ROBO2: variants seen among roughly 807,000 people sequenced by gnomAD.
ROBO2 encodes the protein roundabout guidance receptor 2, also known as roundabout homolog 2.
ROBO2 carries 53 observed loss-of-function variants against 160.8 expected under a neutral mutation model. That is an observed-to-expected ratio of 0.33 (90% CI 0.26 to 0.41). ROBO2 has a LOEUF of 0.41. Ranked by LOEUF, ROBO2 falls within the 10% of genes least tolerant of loss-of-function variation. The pLI, the probability that ROBO2 is intolerant of heterozygous loss-of-function variation, is 1.00. For synonymous variants in ROBO2, 664 were observed against 611.7 expected (o/e 1.09, Z -1.26); for missense variants, 1,577 against 1,722.4 (o/e 0.92, Z 1.49).
Position 77,028,199 on chromosome 3 carries a change from C to T in ROBO2, c.110-69815C>T, listed in dbSNP as rs1329510129. Among the ~76,000 whole-genome samples, 4 of 152,078 alleles carry T rather than the reference C, an allele frequency of 2.6e-5. 1 individual carries two copies. Among genetic ancestry groups the T allele is most frequent in the Non-Finnish European group, 2.9e-5 (2 of 68,032 alleles). ...AAGTTAAAACTGTTCTGCACATGCT[C>T]CCTGTTGTCAGAAAACAATGATTAA... On this transcript the variant is annotated intron_variant, in intron 2 of 26. Transcript: ENST00000487694.
chr3:76,490,290 A>G (rs563244336), intron 2 of ROBO2, among the ~76,000 whole-genome samples: 240 of 152,334 alleles, frequency 1.6e-3, no homozygotes, highest in African/African-American at 5.6e-3. Flanking sequence ...GTGGGATTGT[A>G]TGACAGTAAT....
chr3:77,278,358 C>G (rs1236540286), intron 2 of ROBO2, among the ~76,000 whole-genome samples: 1 of 152,150 alleles, frequency 6.6e-6, no homozygotes, highest in Admixed American at 6.5e-5. Flanking sequence ...TAACTCATAT[C>G]TTTCCAAACC....
At chr3:75,930,696 A>G (rs779730716) in intron 1 of ROBO2, among the ~76,000 whole-genome samples, 21 of 152,274 alleles carry the variant, frequency 1.4e-4, no homozygotes, top group Non-Finnish European at 2.6e-4. Flanking sequence ...ACATGTCAGT[A>G]AGTGGCACTG....
chr3:76,163,776 T>G (rs2072729507), intron 2 of ROBO2, among the ~76,000 whole-genome samples: 1 of 150,184 alleles, frequency 6.7e-6, no homozygotes, highest in Admixed American at 6.6e-5. Flanking sequence ...AAACTGTTAA[T>G]GATTATCTGA....
intron 2 of ROBO2, among the ~76,000 whole-genome samples, chr3:76,948,757 G>A (rs944658258): frequency 1.4e-5 from 2 of 143,112 alleles, no homozygotes; most frequent in African/African-American, 5.2e-5. Context: ...CCAGGCTGGA[G>A]TGCAGTGGCG....
intron 2 of ROBO2, among the ~76,000 whole-genome samples, chr3:77,439,912 A>G (rs745577952): frequency 4.6e-5 from 7 of 152,188 alleles, no homozygotes; most frequent in Non-Finnish European, 7.4e-5. Context: ...AATTAAGTTA[A>G]ACACATTTTG....
intron 2 of ROBO2, among the ~76,000 whole-genome samples, chr3:77,193,059 A>C (rs2082004784): frequency 2.6e-5 from 4 of 152,170 alleles, no homozygotes; most frequent in Admixed American, 2.6e-4. Context: ...AGCATTAAAA[A>C]AAATAAGCAT....
intron 2 of ROBO2, among the ~76,000 whole-genome samples, chr3:76,399,114 G>T (rs2077660843): frequency 6.6e-6 from 1 of 151,560 alleles, no homozygotes; most frequent in South Asian, 2.1e-4. Context: ...TTATAACATT[G>T]AAATCATATA....
chr3:76,775,733 A>T (rs928928349), intron 2 of ROBO2, among the ~76,000 whole-genome samples: 2 of 112,756 alleles, frequency 1.8e-5, no homozygotes, highest in Non-Finnish European at 3.7e-5. Flanking sequence ...CATGGAATAC[A>T]TCGATGTTAT....
chr3:77,480,993 G>T, intron 3 of ROBO2, 106 bp from the exon 4 acceptor site: 1 of 1,033,244 alleles, frequency 9.7e-7, no homozygotes, highest in Non-Finnish European at 1.4e-6. Context: ...TTTTTCCTTT[G>T]GGAAACAAAT....
intron 2 of ROBO2, among the ~76,000 whole-genome samples, chr3:76,694,628 A>G (rs2092888511): frequency 6.6e-6 from 1 of 152,176 alleles, no homozygotes; most frequent in South Asian, 2.1e-4. Flanking sequence ...TATCTTGTAA[A>G]AAAAGGGTAT....
rs140867434 is a variant in ROBO2, at chr3:77,103,222, A to G, written c.388+4882A>G. ...ATGACAGCAGCTTGATCTATCGACC[A>G]GGGTAAGAGGGGGTTCTGGCCTAAA... On this transcript the variant is annotated intron_variant, in intron 2 of 25. Coordinates refer to ENST00000461745, the Ensembl canonical transcript of ROBO2. Among the ~76,000 whole-genome samples the G allele has an allele frequency of 7.2e-4, 109 of 152,002 alleles. 1 individual carries two copies. In the East Asian group the frequency reaches 0.02, roughly 28 times the overall value.
At chr3:75,910,851 T>C (rs1946545784) in intron 1 of ROBO2, among the ~76,000 whole-genome samples, 1 of 152,116 alleles carries the variant, frequency 6.6e-6, no homozygotes, top group Admixed American at 6.6e-5. Context: ...ACAAATATTC[T>C]GTCATAAGTA....
chr3:75,959,530 T>C (rs1397294358), intron 2 of ROBO2, among the ~76,000 whole-genome samples: 1 of 151,696 alleles, frequency 6.6e-6, no homozygotes, highest in East Asian at 2.0e-4. Context: ...ATTTCATGAA[T>C]TACTTATAAT....
chr3:75,997,515 C>T (rs536463797), intron 2 of ROBO2, among the ~76,000 whole-genome samples: 58 of 12,404 alleles, frequency 4.7e-3, no homozygotes, highest in South Asian at 0.018. Context: ...TTTTTTGAGA[C>T]GGAGTCTCTC....
At chr3:75,968,243 T>C (rs1949190343) in intron 2 of ROBO2, among the ~76,000 whole-genome samples, 2 of 151,454 alleles carry the variant, frequency 1.3e-5, no homozygotes, top group African/African-American at 4.8e-5. Flanking sequence ...ACTATGGATA[T>C]TATGACTGTC....
intron 2 of ROBO2, among the ~76,000 whole-genome samples, chr3:76,554,952 T>C (rs1369271084): frequency 6.6e-6 from 1 of 152,052 alleles, no homozygotes; most frequent in East Asian, 1.9e-4. Context: ...AACTGTGAAT[T>C]TGATGTTGAT....
intron 2 of ROBO2, among the ~76,000 whole-genome samples, chr3:76,568,938 T>C (rs1321786884): frequency 1.3e-5 from 2 of 152,210 alleles, no homozygotes; most frequent in Admixed American, 6.5e-5. Context: ...ATAAATGTCA[T>C]AAACAAGTAG....
At chr3:76,403,036 C>T (rs537819140) in intron 2 of ROBO2, among the ~76,000 whole-genome samples, 1 of 151,658 alleles carries the variant, frequency 6.6e-6, no homozygotes, top group South Asian at 2.1e-4. Context: ...CAATAAATGT[C>T]TACTTGATGC....
Sources: allele counts gnomAD v4.1 joint callset (sites outside exome capture counted in the v4.1 genomes callset), GRCh38; gene constraint gnomAD v4.1.1; transcripts MANE v1.5; gene names NCBI Gene and HGNC (gene_info 2026-07-23, HGNC 2026-07-21).